STK33: variants seen among roughly 807,000 people sequenced by gnomAD.
STK33 encodes the protein serine/threonine-protein kinase 33.
STK33 carries 52 observed loss-of-function variants against 58.0 expected under a neutral mutation model. The ratio of observed to expected loss-of-function variants is 0.90; its 90% CI spans 0.72 to 1.13. The LOEUF is 1.13. Ranked by LOEUF, STK33 falls within the 50% of genes most tolerant of loss-of-function variation. The pLI is 0.00. For missense variants in STK33, 630 were observed against 604.2 expected (o/e 1.04, Z -0.45); for synonymous variants, 215 against 200.1 (o/e 1.07, Z -0.63).
intron 6 of STK33, chr11:8,467,565 T>C: frequency 6.6e-6 from 1 of 152,320 alleles, no homozygotes; most frequent in East Asian, 1.9e-4. Flanking sequence ...ATTCAACAAG[T>C]CTCTAGGGAG....
At chr11:8,442,907 T>A (rs1178323144) in intron 11 of STK33, among the ~76,000 whole-genome samples, 1 of 152,098 alleles carries the variant, frequency 6.6e-6, no homozygotes, top group African/African-American at 2.4e-5. Context: ...AACTTCTAGA[T>A]ATGCAAAACT....
At chr11:8,552,633 C>CA (rs1956379515) in intron 1 of STK33, among the ~76,000 whole-genome samples, 1 of 151,944 alleles carries the variant, frequency 6.6e-6, no homozygotes, top group African/African-American at 2.4e-5. Flanking sequence ...GACACATACA[C>CA]ACACATTAGT....
At chr11:8,340,928 G>A in the STK33 span, among the ~76,000 whole-genome samples, 1 of 152,172 alleles carries the variant, frequency 6.6e-6, no homozygotes, top group African/African-American at 2.4e-5. Context: ...GTGTGATGTT[G>A]GCTCACTGCA....
intron 1 of STK33, among the ~76,000 whole-genome samples, chr11:8,514,295 C>T (rs1434277565): frequency 6.6e-6 from 1 of 152,106 alleles, no homozygotes; most frequent in Non-Finnish European, 1.5e-5. Context: ...ATTATTAACA[C>T]ATTTTCTACA....
intron 1 of STK33, among the ~76,000 whole-genome samples, chr11:8,534,104 G>A (rs995082209): frequency 8.6e-5 from 13 of 151,962 alleles, no homozygotes; most frequent in East Asian, 1.9e-4. Context: ...GTGAAAACCC[G>A]TCTCTACTAA....
chr11:8,526,738 A>C (rs1565277720), intron 1 of STK33, among the ~76,000 whole-genome samples: 1 of 151,892 alleles, frequency 6.6e-6, no homozygotes, highest in Non-Finnish European at 1.5e-5. Context: ...AAGATGTGTA[A>C]GATATATACA....
intron 14 of STK33, among the ~76,000 whole-genome samples, chr11:8,419,810 A>G (rs1941656289): frequency 1.3e-5 from 2 of 152,188 alleles, no homozygotes; most frequent in South Asian, 4.1e-4. Flanking sequence ...AAGTATCTAC[A>G]TAAAAATGTA....
At chr11:8,359,004 AC>A in the STK33 span, among the ~76,000 whole-genome samples, 1 of 152,188 alleles carries the variant, frequency 6.6e-6, no homozygotes, top group African/African-American at 2.4e-5. Context: ...TAACAGGCCT[AC>A]CCAACACGCA....
chr11:8,458,877 A>AT (rs1266840362), intron 8 of STK33, among the ~76,000 whole-genome samples: 19 of 152,198 alleles, frequency 1.2e-4, no homozygotes, highest in Non-Finnish European at 2.9e-5. Context: ...TCTGTGTTCA[A>AT]TCAGTAAGTA....
At chr11:8,528,491 T>A (rs1005084672) in intron 1 of STK33, among the ~76,000 whole-genome samples, 2 of 152,242 alleles carry the variant, frequency 1.3e-5, no homozygotes, top group African/African-American at 2.4e-5. Context: ...GCAACTTCAA[T>A]CTATAGCTCC....
At chr11:8,424,975 A>G (rs2135993865) in intron 14 of STK33, among the ~76,000 whole-genome samples, 1 of 133,074 alleles carries the variant, frequency 7.5e-6, no homozygotes, top group East Asian at 2.2e-4. Flanking sequence ...GCTGCCCAGA[A>G]GCTCTTCAGT....
the STK33 span, among the ~76,000 whole-genome samples, chr11:8,352,427 C>T: frequency 1.3e-5 from 2 of 152,126 alleles, no homozygotes; most frequent in South Asian, 4.2e-4. Flanking sequence ...AGAGCTTCCT[C>T]ACCCTCCAAG....
At chr11:8,463,655 G>C (rs1947837662) in intron 7 of STK33, among the ~76,000 whole-genome samples, 1 of 152,076 alleles carries the variant, frequency 6.6e-6, no homozygotes, top group Non-Finnish European at 1.5e-5. Context: ...AAATGGCTTG[G>C]CCTGAATATA....
chr11:8,428,051 C>T (rs1001769728), intron 14 of STK33, among the ~76,000 whole-genome samples: 1 of 152,138 alleles, frequency 6.6e-6, no homozygotes, highest in Non-Finnish European at 1.5e-5. Context: ...CAAAAACCTG[C>T]CCCACTAAGC....
chr11:8,404,452 C>T (rs2135405612), intron 15 of STK33, among the ~76,000 whole-genome samples: 1 of 152,204 alleles, frequency 6.6e-6, no homozygotes, highest in African/African-American at 2.4e-5. Context: ...TCCTGGGGGC[C>T]ACAACTATTC....
rs1294850286 is a variant in STK33, at chr11:8,392,634, C to T, written c.1421G>A (p.Ser474Asn). The change falls in exon 16 of 16, where the codon AGC (serine) becomes AAC (asparagine). Residue 474 changes from serine (S) to asparagine (N), a missense_variant. By Grantham distance (46) the Ser-to-Asn change is conservative (BLOSUM62 1). Transcript: ENST00000687296. ...CTTGATTTCAGCTGGAAGGAGTTTG[C>T]TAGATGTGAAACTTGAACTGCACAT... ...FDMCSSSFTS[S>N]KLLPAEIKGE... The T allele has an allele frequency of 1.2e-6, 2 of 1,614,050 alleles. No homozygotes were observed. The highest frequency in any genetic ancestry group is 1.7e-5 in the Admixed American group (1 of 60,000).
At chr11:8,578,456 G>A (rs955980931) in intron 1 of STK33, among the ~76,000 whole-genome samples, 8 of 151,890 alleles carry the variant, frequency 5.3e-5, no homozygotes, top group Non-Finnish European at 1.0e-4. Context: ...TTCTTCAACT[G>A]CAACAATATC....
chr11:8,411,668 C>T (rs569110057), intron 15 of STK33, among the ~76,000 whole-genome samples: 91 of 152,274 alleles, frequency 6.0e-4, no homozygotes, highest in African/African-American at 2.1e-3. Context: ...AACAAGTAGC[C>T]TTCCAGAGTC....
At chr11:8,560,772 C>A (rs1957065200) in intron 1 of STK33, among the ~76,000 whole-genome samples, 1 of 152,130 alleles carries the variant, frequency 6.6e-6, no homozygotes, top group Non-Finnish European at 1.5e-5. Flanking sequence ...TTAATCTTCA[C>A]AACAACCCTA....
Sources: gnomAD v4.1 joint callset for allele counts (sites outside exome capture counted in the v4.1 genomes callset) on GRCh38, gnomAD v4.1.1 for gene constraint, MANE v1.5 for transcripts, NCBI Gene and HGNC (gene_info 2026-07-23, HGNC 2026-07-21) for gene names.